DYRK1A: variants seen among roughly 807,000 people sequenced by gnomAD.
DYRK1A encodes dual specificity tyrosine phosphorylation regulated kinase 1A.
DYRK1A carries 9 observed loss-of-function variants against 79.7 expected under a neutral mutation model. The observed-to-expected ratio is 0.11, with a 90% CI of 0.07 to 0.20. DYRK1A has a LOEUF of 0.20. Ranked by LOEUF, DYRK1A falls within the 10% of genes least tolerant of loss-of-function variation. The pLI, the probability that DYRK1A is intolerant of heterozygous loss-of-function variation, is 1.00. For missense variants in DYRK1A, 622 were observed against 956.0 expected (o/e 0.65, Z 4.61); for synonymous variants, 349 against 329.7 (o/e 1.06, Z -0.63).
At chr21:37,493,306 T>C in intron 8 of DYRK1A, 143 bp downstream of exon 8, 1 of 741,712 alleles carries the variant, frequency 1.3e-6, no homozygotes, top group Non-Finnish European at 2.1e-6. Context: ...TATACCTATT[T>C]TTCATATTTG....
In DYRK1A at chr21:37,512,595, A is replaced by G; in HGVS notation, c.*64A>G. On this transcript the variant is annotated 3_prime_UTR_variant, in exon 12 of 12. Transcript: ENST00000647188. ...TAGAAGTGGTGTTTTTTTTCCAAAA[A>G]CAAAGTGCAAAGCTGCTTGAATCAG... 6.4e-7 allele frequency: 1 copy of G among 1,562,740 alleles called. No homozygotes were observed. The highest frequency in any genetic ancestry group is 1.2e-5 in the South Asian group (1 of 83,044).
chr21:37,414,476 A>C (rs2050299779), intron 1 of DYRK1A, among the ~76,000 whole-genome samples: 1 of 152,130 alleles, frequency 6.6e-6, no homozygotes, highest in African/African-American at 2.4e-5. Context: ...TAAAGTAGAA[A>C]ATTTATACCA....
At chr21:37,480,559 G>T in intron 4 of DYRK1A, 79 bp from the exon 5 acceptor site, 5 of 1,101,714 alleles carry the variant, frequency 4.5e-6, no homozygotes, top group Non-Finnish European at 6.4e-6. Flanking sequence ...GAAAATAGGT[G>T]TGTGTCAATA....
intron 1 of DYRK1A, among the ~76,000 whole-genome samples, chr21:37,405,649 T>C (rs760305731): frequency 5.3e-5 from 8 of 152,182 alleles, no homozygotes; most frequent in Admixed American, 3.3e-4. Context: ...TTGTCAAATA[T>C]CAGAAAGGTT....
rs1028148768 is a variant in DYRK1A, at chr21:37,520,888, T to C, written c.*8357T>C. ...TCCTGGATTCCTCCAGGACTGCTACTGTATTCCAATTGAGTGGTGGTTTGC... is the reference window on the plus strand; with the variant it reads ...TCCTGGATTCCTCCAGGACTGCTACCGTATTCCAATTGAGTGGTGGTTTGC... On this transcript the variant is annotated 3_prime_UTR_variant, in exon 12 of 12. Coordinates refer to ENST00000647188, the MANE Select transcript of DYRK1A (RefSeq NM_001347721.2). 2 of 152,268 alleles carry C rather than the reference T, an allele frequency of 1.3e-5. No homozygotes were observed. Among genetic ancestry groups the C allele is most frequent in the Non-Finnish European group, 2.9e-5 (2 of 68,064 alleles). The allele number at this position is 152,268 out of a possible 1,614,324, so 9.4% of individuals were successfully genotyped here. A position where few individuals can be genotyped will look rare whatever the true frequency, so the allele number is the denominator to read the frequency against.
At chr21:37,401,497 T>TTG (rs1345785369) in intron 1 of DYRK1A, among the ~76,000 whole-genome samples, 3 of 149,852 alleles carry the variant, frequency 2.0e-5, no homozygotes, top group Non-Finnish European at 2.9e-5. Flanking sequence ...TTTTTTTTTT[T>TTG]GGGAGACAGA....
At chr21:37,393,270 C>G (rs576419169) in intron 1 of DYRK1A, among the ~76,000 whole-genome samples, 2 of 152,318 alleles carry the variant, frequency 1.3e-5, no homozygotes, top group East Asian at 1.9e-4. Context: ...TAGCAGTACT[C>G]TCTGTTACTC....
At chr21:37,473,807 C>A (rs180913675) in intron 3 of DYRK1A, among the ~76,000 whole-genome samples, 8 of 127,132 alleles carry the variant, frequency 6.3e-5, no homozygotes, top group Admixed American at 2.2e-4. Flanking sequence ...TAAATCGTTA[C>A]AATAAGATGA....
At chr21:37,440,205 G>C (rs551360254) in intron 2 of DYRK1A, among the ~76,000 whole-genome samples, 107 of 128,880 alleles carry the variant, frequency 8.3e-4, no homozygotes, top group African/African-American at 2.9e-3. Flanking sequence ...GTGTGATCTC[G>C]GTTCACTGCA....
intron 5 of DYRK1A, among the ~76,000 whole-genome samples, chr21:37,484,654 C>CT (rs760799355): frequency 2.6e-5 from 4 of 152,110 alleles, no homozygotes; most frequent in Admixed American, 6.6e-5. Flanking sequence ...TCTAACTTTC[C>CT]TGACATCTAC....
intron 2 of DYRK1A, among the ~76,000 whole-genome samples, chr21:37,466,483 A>G (rs112628679): frequency 1.3e-5 from 2 of 152,368 alleles, no homozygotes; most frequent in African/African-American, 4.8e-5. Flanking sequence ...GTGTTCATTT[A>G]TAGATACAGC....
intron 1 of DYRK1A, among the ~76,000 whole-genome samples, chr21:37,391,667 C>T (rs1470554745): frequency 6.6e-6 from 1 of 152,206 alleles, no homozygotes; most frequent in African/African-American, 2.4e-5. Flanking sequence ...CCACGATTCT[C>T]CTTTGTATGG....
Position 37,505,522 on chromosome 21 carries a change from A to C in DYRK1A, c.1452A>C (p.Val484=). The change falls in exon 10 of 12, where the codon GTA becomes GTC. Residue 484 remains valine (V), a synonymous_variant. Coordinates refer to ENST00000647188, the MANE Select transcript of DYRK1A (RefSeq NM_001347721.2). ...AAGGTACAAATACAAGTAATAGTGTATCTACAAGCCCCGCCATGGAGCAGT... is the reference window on the plus strand; with the variant it reads ...AAGGTACAAATACAAGTAATAGTGTCTCTACAAGCCCCGCCATGGAGCAGT... ...ADEGTNTSNS[V]STSPAMEQSQ... 1 of 1,613,094 alleles carries C rather than the reference A, an allele frequency of 6.2e-7. No homozygotes were observed. The highest frequency in any genetic ancestry group is 8.5e-7 in the Non-Finnish European group (1 of 1,180,018).
chr21:37,466,524 C>T (rs1479390284), intron 2 of DYRK1A, among the ~76,000 whole-genome samples: 2 of 151,904 alleles, frequency 1.3e-5, no homozygotes, highest in Non-Finnish European at 2.9e-5. Context: ...AGAGATAAAC[C>T]TAAAATACAA....
At chr21:37,385,628 A>G (rs951742547) in intron 1 of DYRK1A, among the ~76,000 whole-genome samples, 1 of 152,348 alleles carries the variant, frequency 6.6e-6, no homozygotes, top group Admixed American at 6.5e-5. Flanking sequence ...AATGGTGTGC[A>G]CAGGATGTGA....
intron 2 of DYRK1A, among the ~76,000 whole-genome samples, chr21:37,451,216 A>C (rs1052365565): frequency 6.6e-6 from 1 of 152,222 alleles, no homozygotes; most frequent in African/African-American, 2.4e-5. Context: ...GGCTAAAGTT[A>C]ATTTATTACT....
At chr21:37,369,187 T>C (rs2049380475) in intron 1 of DYRK1A, among the ~76,000 whole-genome samples, 1 of 152,226 alleles carries the variant, frequency 6.6e-6, no homozygotes, top group South Asian at 2.1e-4. Context: ...TATTAATGAA[T>C]ATATTTAGCA....
chr21:37,409,085 A>G (rs2050198608), intron 1 of DYRK1A, among the ~76,000 whole-genome samples: 1 of 152,134 alleles, frequency 6.6e-6, no homozygotes, highest in Admixed American at 6.6e-5. Flanking sequence ...GAGGTGGATA[A>G]AGAAGACCCA....
chr21:37,492,457 G>C (rs1412018282), intron 7 of DYRK1A, among the ~76,000 whole-genome samples: 1 of 152,216 alleles, frequency 6.6e-6, no homozygotes, highest in African/African-American at 2.4e-5. Flanking sequence ...GAGAAGATGA[G>C]AGAAGAAGCT....
Sources: allele counts gnomAD v4.1 joint callset (sites outside exome capture counted in the v4.1 genomes callset), GRCh38; gene constraint gnomAD v4.1.1; transcripts MANE v1.5; gene names NCBI Gene and HGNC (gene_info 2026-07-23, HGNC 2026-07-21).